Variants in DUXA observed in about 807,000 individuals in gnomAD.
DUXA encodes the protein double homeobox protein A.
DUXA carries 25 observed loss-of-function variants against 27.5 expected under a neutral mutation model. The ratio of observed to expected loss-of-function variants is 0.91; its 90% CI spans 0.66 to 1.27. The LOEUF is 1.27. DUXA is among the 50% of genes most tolerant of loss of function. The pLI is 0.00. For synonymous variants in DUXA, 90 were observed against 80.5 expected (o/e 1.12, Z -0.63); for missense variants, 247 against 242.9 (o/e 1.02, Z -0.11).
At chr19:57,159,071 G>T in intron 3 of DUXA, 96 bp downstream of exon 3, 1 of 1,000,468 alleles carries the variant, frequency 1.0e-6, no homozygotes, top group Non-Finnish European at 1.5e-6. Flanking sequence ...CCCTGAACAG[G>T]AGGTCATCAG....
intron 1 of DUXA, among the ~76,000 whole-genome samples, chr19:57,164,193 T>C (rs531167141): frequency 6.6e-6 from 1 of 152,310 alleles, no homozygotes; most frequent in South Asian, 2.1e-4. Flanking sequence ...AAAAAGATAA[T>C]TCCTCATGAC....
intron 4 of DUXA, among the ~76,000 whole-genome samples, chr19:57,157,594 G>C (rs560783061): frequency 1.3e-5 from 2 of 152,094 alleles, no homozygotes; most frequent in East Asian, 3.9e-4. Flanking sequence ...GCCTCCCAAA[G>C]TGCTGGCATT....
chr19:57,165,027 T>C (rs1032805954), intron 1 of DUXA, among the ~76,000 whole-genome samples: 3 of 152,002 alleles, frequency 2.0e-5, no homozygotes, highest in African/African-American at 7.3e-5. Flanking sequence ...AAAAGAAAAA[T>C]GTCTTAGTAT....
chr19:57,167,300 T>A (rs1421350831), intron 1 of DUXA, 119 bp downstream of exon 1: 1 of 1,290,774 alleles, frequency 7.7e-7, no homozygotes, highest in African/African-American at 1.5e-5. Context: ...TTTTCCCCTA[T>A]CCAGATACAG....
chr19:57,154,563 T>G, intron 5 of DUXA, 81 bp from the exon 6 acceptor site: 1 of 1,123,802 alleles, frequency 8.9e-7, no homozygotes, highest in Non-Finnish European at 1.3e-6. Flanking sequence ...TTTTCCCACC[T>G]TTTCTTTTTT....
intron 2 of DUXA, 120 bp downstream of exon 2, chr19:57,160,523 G>A: frequency 8.3e-7 from 1 of 1,202,814 alleles, no homozygotes; most frequent in Middle Eastern, 2.9e-4. Context: ...GTTTATTGAG[G>A]GTCAGTTGAG....
intron 4 of DUXA, among the ~76,000 whole-genome samples, chr19:57,157,758 A>G (rs1464242932): frequency 1.3e-5 from 2 of 151,834 alleles, no homozygotes; most frequent in Admixed American, 1.3e-4. Flanking sequence ...TGGGAAGCCA[A>G]GGAGGGTGGA....
chr19:57,164,266 T>C (rs1458455537), intron 1 of DUXA, among the ~76,000 whole-genome samples: 1 of 152,132 alleles, frequency 6.6e-6, no homozygotes, highest in Non-Finnish European at 1.5e-5. Context: ...ATACACTTAC[T>C]ATGCACCCAC....
rs775693516 is a variant in DUXA, at chr19:57,155,830, G to A, written c.439-458C>T. 1.6e-4 allele frequency among the ~76,000 whole-genome samples: 25 copies of A among 152,018 alleles called. 1 individual carries two copies. Among genetic ancestry groups the A allele is most frequent in the Non-Finnish European group, 2.4e-4 (16 of 67,988 alleles). ...ATTATAGGCGCCAACCACCATACCC[G>A]GCTAATTTTTGTATTTTTAGTAGAG... is the stretch of plus-strand genomic sequence containing the variant. On this transcript the variant is annotated intron_variant, in intron 4 of 5. Transcript: ENST00000554048.
intron 3 of DUXA, 151 bp from the exon 4 acceptor site, chr19:57,158,624 C>A (rs2087004512): frequency 3.1e-6 from 3 of 976,988 alleles, no homozygotes; most frequent in South Asian, 1.8e-5. Flanking sequence ...CAGGTTCCTT[C>A]CAGGTGGAAG....
At chr19:57,160,173 GT>G (rs1356723450) in intron 2 of DUXA, among the ~76,000 whole-genome samples, 1 of 152,068 alleles carries the variant, frequency 6.6e-6, no homozygotes, top group East Asian at 1.9e-4. Flanking sequence ...CTGAGGGAGG[GT>G]TGCTTGAGAC....
chr19:57,161,154 T>C (rs1399929172), intron 1 of DUXA, among the ~76,000 whole-genome samples: 1 of 151,364 alleles, frequency 6.6e-6, no homozygotes, highest in Non-Finnish European at 1.5e-5. Flanking sequence ...TGAAACTCCA[T>C]CTGTACTAAA....
At chr19:57,158,542 A>G (rs890498563) in intron 3 of DUXA, 69 bp from the exon 4 acceptor site, 32 of 1,563,364 alleles carry the variant, frequency 2.0e-5, no homozygotes, top group Non-Finnish European at 2.7e-5. Context: ...CACATATTCA[A>G]ACACAGAACC....
chr19:57,156,654 C>T (rs987900370), intron 4 of DUXA, among the ~76,000 whole-genome samples: 1 of 152,280 alleles, frequency 6.6e-6, no homozygotes, highest in Non-Finnish European at 1.5e-5. Flanking sequence ...CATGAGCCGC[C>T]GTAACTGGCC....
At chr19:57,161,334 A>AAAAAAAAAAAAAAAAAC in intron 1 of DUXA, among the ~76,000 whole-genome samples, 1 of 140,324 alleles carries the variant, frequency 7.1e-6, no homozygotes, top group African/African-American at 2.7e-5. Flanking sequence ...CAAAAAAAAA[A>AAAAAAAAAAAAAAAAAC]AAAAAAAAAC....
chr19:57,166,107 G>A (rs928477023), intron 1 of DUXA, among the ~76,000 whole-genome samples: 1 of 152,012 alleles, frequency 6.6e-6, no homozygotes, highest in African/African-American at 2.4e-5. Flanking sequence ...TGCAGGAGGT[G>A]GGGAGAGGCC....
rs138284390 is a variant in DUXA at position 57,154,917 on chromosome 19, C to T, written c.544+350G>A. On this transcript the variant is annotated intron_variant, in intron 5 of 5. Coordinates refer to ENST00000554048, the MANE Select transcript of DUXA (RefSeq NM_001012729.2). ...CTACCTCCTGGGAAAGCCATGCCCC[C>T]GCTGCCCCTGGCAGACCACACCTGA... 1.5e-4 allele frequency among the ~76,000 whole-genome samples: 23 copies of T among 152,368 alleles called. No individual in the cohort carries two copies. The East Asian group carries it at 3.1e-3, about 20-fold the overall frequency.
At chr19:57,164,587 A>T (rs8101121) in intron 1 of DUXA, among the ~76,000 whole-genome samples, 66,465 of 151,782 alleles carry the variant, frequency 0.44, 15,176 homozygotes, top group South Asian at 0.51. Context: ...AAAAAATAAA[A>T]TTAAAAATAA....
At chr19:57,165,322 A>ATATATATATATATATATATATATAT (rs1484903570) in intron 1 of DUXA, among the ~76,000 whole-genome samples, 27 of 89,038 alleles carry the variant, frequency 3.0e-4, no homozygotes, top group Admixed American at 6.3e-4. Context: ...AAAAAAAAAA[A>ATATATATATATATATATATATATAT]AAATATATAT....
Sources: gnomAD v4.1 joint callset for allele counts (sites outside exome capture counted in the v4.1 genomes callset) on GRCh38, gnomAD v4.1.1 for gene constraint, MANE v1.5 for transcripts, NCBI Gene and HGNC (gene_info 2026-07-23, HGNC 2026-07-21) for gene names.